MAP3K5: variants seen among roughly 807,000 people sequenced by gnomAD.
MAP3K5 encodes the protein ASK-1.
MAP3K5 carries 56 observed loss-of-function variants against 158.7 expected under a neutral mutation model. The observed-to-expected ratio is 0.35, with a 90% CI of 0.28 to 0.44. The LOEUF is 0.44. MAP3K5 is among the 20% of genes least tolerant of loss of function. The pLI is 1.00. For missense variants in MAP3K5, 1,294 were observed against 1,674.8 expected, an observed-to-expected ratio of 0.77 and a Z score of 3.97; for synonymous variants, 579 against 601.7, an observed-to-expected ratio of 0.96 and a Z score of 0.55.
At chr6:136,764,339 A>G (rs1783875033) in intron 1 of MAP3K5, among the ~76,000 whole-genome samples, 1 of 152,212 alleles carries the variant, frequency 6.6e-6, no homozygotes, top group African/African-American at 2.4e-5. Context: ...TAACAGACTG[A>G]TAGCTTCCAT....
In MAP3K5 at chr6:136,792,194, C is replaced by T. The variant is rs1353596241; in HGVS notation, c.-37G>A. The T allele has an allele frequency of 5.9e-6, 9 of 1,522,074 alleles. No homozygotes were observed. The highest frequency in any genetic ancestry group is 7.9e-6 in the Non-Finnish European group (9 of 1,138,928). 94.3% of individuals were successfully genotyped at this position (1,522,074 alleles called of 1,614,324 possible). A position where few individuals can be genotyped will look rare whatever the true frequency, so the allele number is the denominator to read the frequency against. On this transcript the variant is annotated 5_prime_UTR_variant, in exon 1 of 30. Coordinates refer to ENST00000359015, the MANE Select transcript of MAP3K5 (RefSeq NM_005923.4). This position sits in a 1 kb window ranked among gnomAD's most constrained non-coding sequence, Gnocchi z 5.7. ...GGGCAGCAACGGCGGCGGCGTCCCC[C>T]GCCCAGCCGCACCGCCTGGCCAGCC...
chr6:136,687,723 A>T (rs1256304521), intron 7 of MAP3K5, among the ~76,000 whole-genome samples: 1 of 152,236 alleles, frequency 6.6e-6, no homozygotes, highest in Non-Finnish European at 1.5e-5. Flanking sequence ...AAAATGAGAT[A>T]CCATCTCATG....
At chr6:136,592,387 G>A in intron 22 of MAP3K5, 46 bp from the exon 23 acceptor site, 6 of 1,598,252 alleles carry the variant, frequency 3.8e-6, no homozygotes, top group Non-Finnish European at 5.1e-6. Flanking sequence ...TTTATAAAAT[G>A]ACACACTTAA....
At chr6:136,615,660 AG>A (rs1248434711) in intron 15 of MAP3K5, among the ~76,000 whole-genome samples, 1 of 152,202 alleles carries the variant, frequency 6.6e-6, no homozygotes, top group Non-Finnish European at 1.5e-5. Flanking sequence ...TAAATATTGT[AG>A]GGTGTCAGCA....
At chr6:136,749,492 T>C (rs1783101642) in intron 1 of MAP3K5, among the ~76,000 whole-genome samples, 1 of 151,872 alleles carries the variant, frequency 6.6e-6, no homozygotes, top group Non-Finnish European at 1.5e-5. Context: ...ATGACTCCAA[T>C]ATCTCAGGAC....
At chr6:136,789,521 C>T (rs975435932) in intron 1 of MAP3K5, among the ~76,000 whole-genome samples, 10 of 151,890 alleles carry the variant, frequency 6.6e-5, no homozygotes, top group South Asian at 2.1e-4. Flanking sequence ...AAGAGGCTTC[C>T]GAGAGCATGC....
intron 11 of MAP3K5, among the ~76,000 whole-genome samples, chr6:136,643,901 A>AATATAT (rs140365564): frequency 1.3e-4 from 20 of 148,640 alleles, no homozygotes; most frequent in African/African-American, 4.4e-4. Context: ...TGAACTTCTA[A>AATATAT]ATATATATAT....
chr6:136,593,513 G>A (rs1332347150), intron 21 of MAP3K5, among the ~76,000 whole-genome samples: 1 of 152,110 alleles, frequency 6.6e-6, no homozygotes, highest in Non-Finnish European at 1.5e-5. Context: ...AGGAGGCTGG[G>A]AAACCCCAGA....
In MAP3K5 at chr6:136,792,268, G is replaced by GCGCCGCGCCCTCGCCGCCGCGC. The variant is rs1257899524; in HGVS notation, c.-133_-112dup. The GCGCCGCGCCCTCGCCGCCGCGC allele has an allele frequency of 8.5e-7, 1 of 1,180,400 alleles. No individual in the cohort carries two copies. The highest frequency in any genetic ancestry group is 1.0e-6 in the Non-Finnish European group (1 of 959,282). 73.1% of individuals were successfully genotyped at this position (1,180,400 alleles called of 1,614,324 possible). A position where few individuals can be genotyped will look rare whatever the true frequency, so the allele number is the denominator to read the frequency against. ...CGCCGGGCTAAGCAGCTGCCATCGC[G>GCGCCGCGCCCTCGCCGCCGCGC]CGCCGCGCCCTCGCCGCCGCGCCGC... On this transcript the variant is annotated 5_prime_UTR_variant, in exon 1 of 30. Transcript: ENST00000359015. The surrounding 1 kb of genome is among the most constrained non-coding windows in gnomAD (Gnocchi z 5.7).
At chr6:136,649,332 C>T (rs776916432) in intron 11 of MAP3K5, among the ~76,000 whole-genome samples, 2 of 152,146 alleles carry the variant, frequency 1.3e-5, no homozygotes, top group Non-Finnish European at 2.9e-5. Flanking sequence ...TCCAGGGAAC[C>T]ACATCTTGAA....
Position 136,716,924 on chromosome 6 carries a change from G to A in MAP3K5, c.588+3526C>T, listed in dbSNP as rs1219914068. ...TGTGATCCCAGCACTTTGGGGGGCC[G>A]AGGTGGGCAGATTACTTGAGGTCAG... On this transcript the variant is annotated intron_variant, in intron 2 of 29. Transcript: ENST00000359015. Among the ~76,000 whole-genome samples the A allele has an allele frequency of 3.3e-5, 5 of 152,190 alleles. No individual in the cohort carries two copies. In the South Asian group the frequency reaches 1.0e-3, roughly 32 times the overall value.
chr6:136,659,441 C>T (rs1036542009), intron 8 of MAP3K5, 63 bp from the exon 9 acceptor site: 8 of 1,452,728 alleles, frequency 5.5e-6, no homozygotes, highest in Non-Finnish European at 7.6e-6. Flanking sequence ...ACCAGGTTTT[C>T]ACTAAAAAGT....
rs761807279 is a variant in MAP3K5, at chr6:136,656,346, G to T, written c.1641C>A (p.Val547=). Residue 547 remains valine (V), a synonymous_variant, in exon 10 of 30, where the codon GTC becomes GTA. Coordinates refer to ENST00000359015, the MANE Select transcript of MAP3K5 (RefSeq NM_005923.4). ...CAGTAACATCTGTCTTTGTGGCCTCGACCAGGAAATCCATCCAAAAGTCCA... is the reference window on the plus strand; with the variant it reads ...CAGTAACATCTGTCTTTGTGGCCTCTACCAGGAAATCCATCCAAAAGTCCA... ...ELVDFWMDFL[V]EATKTDVTVV... 2 of 1,613,680 alleles carry T rather than the reference G, an allele frequency of 1.2e-6. No individual in the cohort carries two copies. The highest frequency in any genetic ancestry group is 1.1e-5 in the South Asian group (1 of 91,014).
chr6:136,612,422 C>T (rs978283460), intron 17 of MAP3K5, among the ~76,000 whole-genome samples: 24 of 152,124 alleles, frequency 1.6e-4, no homozygotes, highest in Non-Finnish European at 5.9e-5. Flanking sequence ...AATTAAATTA[C>T]GATTTTCATA....
chr6:136,765,432 A>G (rs894315990), intron 1 of MAP3K5, among the ~76,000 whole-genome samples: 1 of 152,012 alleles, frequency 6.6e-6, no homozygotes, highest in Non-Finnish European at 1.5e-5. Context: ...GAGTAACTGG[A>G]ACTACAGGCA....
At chr6:136,719,920 T>C (rs1781679304) in intron 2 of MAP3K5, among the ~76,000 whole-genome samples, 1 of 152,226 alleles carries the variant, frequency 6.6e-6, no homozygotes, top group Non-Finnish European at 1.5e-5. Flanking sequence ...TAAGCTCCTA[T>C]TACTGGAGAG....
At chr6:136,583,806 T>C in intron 23 of MAP3K5, 66 bp from the exon 24 acceptor site, 1 of 1,430,420 alleles carries the variant, frequency 7.0e-7, no homozygotes. Context: ...GGTAATCCTA[T>C]CTCCATACCC....
At chr6:136,682,028 G>A (rs1294331124) in intron 7 of MAP3K5, among the ~76,000 whole-genome samples, 1 of 152,182 alleles carries the variant, frequency 6.6e-6, no homozygotes, top group Non-Finnish European at 1.5e-5. Context: ...CAAAGCATGA[G>A]ACCAATGTTC....
At chr6:136,690,080 T>A (rs1243700891) in intron 7 of MAP3K5, among the ~76,000 whole-genome samples, 1 of 152,102 alleles carries the variant, frequency 6.6e-6, no homozygotes, top group African/African-American at 2.4e-5. Flanking sequence ...TACTTCCTAC[T>A]CAGCTTAAGA....
Sources: allele counts gnomAD v4.1 joint callset (sites outside exome capture counted in the v4.1 genomes callset), GRCh38; gene constraint gnomAD v4.1.1; non-coding constraint Gnocchi (gnomAD v3.1); transcripts MANE v1.5; gene names NCBI Gene and HGNC (gene_info 2026-07-23, HGNC 2026-07-21).